The following ADGRL3 variants were observed in gnomAD, a reference collection of about 807,000 sequenced individuals.
ADGRL3 encodes adhesion G protein-coupled receptor L3, also known as calcium-independent alpha-latrotoxin receptor 3.
In ADGRL3, 62 loss-of-function variants were observed where a neutral mutation model predicts 153.5. The observed-to-expected ratio is 0.40, with a 90% CI of 0.33 to 0.50. The LOEUF is 0.50. Among genes scored for constraint, ADGRL3 ranks in the 20% least tolerant of loss-of-function variants. The probability of loss-of-function intolerance (pLI) is 0.47; values close to 1 mark genes in which losing one functional copy is unlikely to be tolerated. For synonymous variants in ADGRL3, 710 were observed against 672.5 expected (o/e 1.06, Z -0.86); for missense variants, 1,641 against 1,859.4 (o/e 0.88, Z 2.16).
chr4:61,398,542 A>G (rs1289924804), intron 2 of ADGRL3, among the ~76,000 whole-genome samples: 1 of 151,708 alleles, frequency 6.6e-6, no homozygotes, highest in African/African-American at 2.4e-5. Flanking sequence ...CTATCTAGCA[A>G]ACTTAACCTG....
At chr4:61,369,756 G>A (rs1205138915) in intron 1 of ADGRL3, among the ~76,000 whole-genome samples, 1 of 152,138 alleles carries the variant, frequency 6.6e-6, no homozygotes, top group Non-Finnish European at 1.5e-5. Context: ...AATGAGTTAG[G>A]GAGGATTCCC....
At chr4:61,763,290 C>T (rs1449551104) in intron 8 of ADGRL3, among the ~76,000 whole-genome samples, 1 of 150,348 alleles carries the variant, frequency 6.7e-6, no homozygotes, top group African/African-American at 2.5e-5. Flanking sequence ...CAGGTTCAAA[C>T]AATTCTCCTA....
chr4:61,691,695 C>G (rs2095542777), intron 6 of ADGRL3, among the ~76,000 whole-genome samples: 1 of 152,062 alleles, frequency 6.6e-6, no homozygotes, highest in Non-Finnish European at 1.5e-5. Flanking sequence ...GTTGGAAAAA[C>G]TAAATCATAA....
In ADGRL3 at chr4:61,951,714, A is replaced by C. The variant is rs116644428; in HGVS notation, c.2805+3438A>C. On this transcript the variant is annotated intron_variant, in intron 17 of 26. Coordinates refer to ENST00000683033, the MANE Select transcript of ADGRL3 (RefSeq NM_001387552.1). ...AACTCCCTCTCCACTAAAATACAAA[A>C]ATTAGCTGGGCGTGATGGTGCATGC... Among the ~76,000 whole-genome samples the C allele has an allele frequency of 5.1e-3, 780 of 151,966 alleles. 7 individuals are homozygous for C. Among genetic ancestry groups the C allele is most frequent in the African/African-American group, 0.016 (660 of 41,440 alleles).
chr4:61,219,403 T>C (rs1744346938), intron 1 of ADGRL3, among the ~76,000 whole-genome samples: 1 of 152,220 alleles, frequency 6.6e-6, no homozygotes, highest in South Asian at 2.1e-4. Context: ...GTTTGTATTT[T>C]AAATGCTGTA....
chr4:61,762,967 T>C (rs2096930500), intron 8 of ADGRL3, among the ~76,000 whole-genome samples: 1 of 152,188 alleles, frequency 6.6e-6, no homozygotes, highest in Non-Finnish European at 1.5e-5. Flanking sequence ...GTTTTGGTGC[T>C]ACTCTTTTCC....
intron 4 of ADGRL3, among the ~76,000 whole-genome samples, chr4:61,521,138 T>A (rs964727838): frequency 1.3e-5 from 2 of 152,152 alleles, no homozygotes; most frequent in African/African-American, 4.8e-5. Flanking sequence ...AGAATAAAGT[T>A]CTGTGGAGCA....
intron 17 of ADGRL3, among the ~76,000 whole-genome samples, chr4:61,972,317 C>G (rs2099031282): frequency 1.3e-5 from 2 of 152,136 alleles, no homozygotes. Flanking sequence ...TTTAATCCTT[C>G]TTGAATTAAT....
At chr4:61,663,378 G>C (rs2094671727) in intron 5 of ADGRL3, among the ~76,000 whole-genome samples, 1 of 152,234 alleles carries the variant, frequency 6.6e-6, no homozygotes, top group Non-Finnish European at 1.5e-5. Flanking sequence ...AGCCATAGAA[G>C]CTGTTTGTAC....
chr4:61,813,727 T>C, intron 8 of ADGRL3, 82 bp from the exon 9 acceptor site: 2 of 1,504,964 alleles, frequency 1.3e-6, no homozygotes, highest in Admixed American at 3.8e-5. Flanking sequence ...TGGAGTGAAA[T>C]AGTGTTATAT....
At chr4:61,523,909 T>A (rs1455631684) in intron 4 of ADGRL3, among the ~76,000 whole-genome samples, 2 of 151,952 alleles carry the variant, frequency 1.3e-5, no homozygotes, top group African/African-American at 4.8e-5. Flanking sequence ...TCACAAAGAG[T>A]ATGAATAACT....
chr4:61,584,064 AC>A (rs71664992), intron 4 of ADGRL3, among the ~76,000 whole-genome samples: 17,667 of 152,018 alleles, frequency 0.12, 1,126 homozygotes, highest in East Asian at 0.18. Context: ...ATGGCAAAAA[AC>A]TTTTCTTAAC....
chr4:61,757,129 C>T (rs923070327), intron 8 of ADGRL3, among the ~76,000 whole-genome samples: 5 of 152,136 alleles, frequency 3.3e-5, no homozygotes, highest in African/African-American at 9.7e-5. Flanking sequence ...ATGATGCTGG[C>T]CTCATAAAAT....
intron 1 of ADGRL3, among the ~76,000 whole-genome samples, chr4:61,338,843 T>C (rs918243937): frequency 6.6e-6 from 1 of 152,220 alleles, no homozygotes; most frequent in Non-Finnish European, 1.5e-5. Context: ...TGTATTATTA[T>C]AGTTTTTCAA....
At chr4:61,932,668 T>C (rs1007695019) in intron 13 of ADGRL3, among the ~76,000 whole-genome samples, 1 of 152,178 alleles carries the variant, frequency 6.6e-6, no homozygotes, top group Non-Finnish European at 1.5e-5. Context: ...GGTGTCAAAG[T>C]AATGCTAGCC....
intron 17 of ADGRL3, among the ~76,000 whole-genome samples, chr4:61,972,872 A>C (rs1377636317): frequency 6.6e-6 from 1 of 152,084 alleles, no homozygotes; most frequent in African/African-American, 2.4e-5. Flanking sequence ...CCAGCTCAAC[A>C]TTAAAATAAT....
rs533248645 is a variant in ADGRL3 at position 61,890,447 on chromosome 4, G to C, written c.1481-2209G>C. ...AGAGGCTGAGAAGTTCAAGGTCAAG[G>C]GGCCCACAACTGGCAAAAGTCTTCC... On this transcript the variant is annotated intron_variant, in intron 9 of 26. Transcript: ENST00000683033. Among the ~76,000 whole-genome samples, 26 of 152,138 alleles carry C rather than the reference G, an allele frequency of 1.7e-4. No homozygotes were observed. In the East Asian group the frequency reaches 2.5e-3, roughly 15 times the overall value.
chr4:61,600,588 G>C (rs1340756053), intron 5 of ADGRL3, among the ~76,000 whole-genome samples: 2 of 152,112 alleles, frequency 1.3e-5, no homozygotes, highest in Non-Finnish European at 1.5e-5. Flanking sequence ...TGCTTTGAAG[G>C]CTTATTATAA....
At chr4:61,981,168 CA>C (rs2099066997) in intron 18 of ADGRL3, among the ~76,000 whole-genome samples, 1 of 152,214 alleles carries the variant, frequency 6.6e-6, no homozygotes, top group African/African-American at 2.4e-5. Flanking sequence ...TACATATTGT[CA>C]TTATTTTTTT....
Sources: gnomAD v4.1 joint callset for allele counts (sites outside exome capture counted in the v4.1 genomes callset) on GRCh38, gnomAD v4.1.1 for gene constraint, MANE v1.5 for transcripts, NCBI Gene and HGNC (gene_info 2026-07-23, HGNC 2026-07-21) for gene names.